Variants in RNGTT observed in about 807,000 individuals in gnomAD.
RNGTT encodes the protein RNA guanylyltransferase and 5'-phosphatase.
Under a neutral mutation model 79.3 loss-of-function variants are expected in RNGTT, and 33 were observed. The observed-to-expected ratio is 0.42, with a 90% CI of 0.32 to 0.56. The LOEUF is 0.56. Ranked by LOEUF, RNGTT falls within the 20% of genes least tolerant of loss-of-function variation. The pLI, the probability that RNGTT is intolerant of heterozygous loss-of-function variation, is 0.17. For synonymous variants in RNGTT, 222 were observed against 235.9 expected (o/e 0.94, Z 0.54); for missense variants, 497 against 739.1 (o/e 0.67, Z 3.80).
chr6:88,672,763 C>T (rs1774704568), intron 14 of RNGTT, among the ~76,000 whole-genome samples: 2 of 152,122 alleles, frequency 1.3e-5, no homozygotes, highest in Admixed American at 1.3e-4. Flanking sequence ...AAATCTGAAA[C>T]TAGCATGAAG....
At chr6:88,813,767 G>C (rs1425728903) in intron 11 of RNGTT, among the ~76,000 whole-genome samples, 2 of 152,132 alleles carry the variant, frequency 1.3e-5, no homozygotes, top group African/African-American at 2.4e-5. Flanking sequence ...CTCTACTCTA[G>C]TCTAGGTTAT....
chr6:88,949,718 A>T (rs1562078437), intron 1 of RNGTT, among the ~76,000 whole-genome samples: 2 of 152,258 alleles, frequency 1.3e-5, no homozygotes, highest in African/African-American at 4.8e-5. Flanking sequence ...AGGAAGCTGC[A>T]GAAGAAAAAT....
chr6:88,942,105 C>T (rs756129542), intron 1 of RNGTT, among the ~76,000 whole-genome samples: 1 of 151,338 alleles, frequency 6.6e-6, no homozygotes, highest in Non-Finnish European at 1.5e-5. Context: ...GATTATATGC[C>T]CTATATGGTT....
At chr6:88,883,170 C>CAAAAAAAAAAAAA in intron 8 of RNGTT, among the ~76,000 whole-genome samples, 1 of 68,870 alleles carries the variant, frequency 1.5e-5, no homozygotes, top group Non-Finnish European at 3.2e-5. Context: ...CTCTTTATGA[C>CAAAAAAAAAAAAA]AAAAAAAAAA....
intron 13 of RNGTT, among the ~76,000 whole-genome samples, chr6:88,708,519 A>G (rs1776216189): frequency 6.6e-6 from 1 of 151,526 alleles, no homozygotes; most frequent in Non-Finnish European, 1.5e-5. Flanking sequence ...GCCAGATCTC[A>G]GCTTTGACCA....
chr6:88,740,334 A>G (rs551678728), intron 13 of RNGTT, among the ~76,000 whole-genome samples: 1 of 152,160 alleles, frequency 6.6e-6, no homozygotes, highest in Admixed American at 6.6e-5. Flanking sequence ...CATGGACAAC[A>G]TAGTAAGACC....
chr6:88,853,734 T>C lies in RNGTT; in HGVS notation c.927A>G (p.Glu309=). ...RYMMLIDGTN[E]VFMIDRDNSV... ...AATTGTCTCTATCAATCATAAAAAC[T>C]TCATTTGTGCCATCAATCAACATCA... Residue 309 remains glutamate, a synonymous_variant, in exon 9 of 16, where the codon GAA becomes GAG. Transcript: ENST00000369485. 1 of 1,571,068 alleles carries C rather than the reference T, an allele frequency of 6.4e-7. No homozygotes were observed. Among genetic ancestry groups the C allele is most frequent in the Non-Finnish European group, 8.7e-7 (1 of 1,151,900 alleles).
chr6:88,776,292 G>A (rs1157380893), intron 12 of RNGTT, among the ~76,000 whole-genome samples: 1 of 149,852 alleles, frequency 6.7e-6, no homozygotes, highest in Non-Finnish European at 1.5e-5. Context: ...GACTGGTGAT[G>A]TTGAGCACCT....
intron 11 of RNGTT, among the ~76,000 whole-genome samples, chr6:88,830,678 AT>A (rs1780830724): frequency 6.6e-6 from 1 of 152,152 alleles, no homozygotes; most frequent in Non-Finnish European, 1.5e-5. Flanking sequence ...AACAAAATAG[AT>A]AGACCACTAG....
chr6:88,685,840 G>A (rs914446353), intron 13 of RNGTT, among the ~76,000 whole-genome samples: 2 of 151,608 alleles, frequency 1.3e-5, no homozygotes, highest in Non-Finnish European at 2.9e-5. Context: ...AATCCTAGAG[G>A]AAACACACTT....
Position 88,889,035 on chromosome 6 carries a change from T to A in RNGTT, c.896+1460A>T, listed in dbSNP as rs1023457866. Reference sequence around the variant, plus strand: ...AAGAGTGAAAACCCGTCTCAAAAAATAATAATAATAATAAAAACCACACCT... The same window carrying A: ...AAGAGTGAAAACCCGTCTCAAAAAAAAATAATAATAATAAAAACCACACCT... On this transcript the variant is annotated intron_variant, in intron 8 of 15. Transcript: ENST00000369485. 7.1e-4 allele frequency among the ~76,000 whole-genome samples: 107 copies of A among 151,770 alleles called. 1 individual carries two copies. Among genetic ancestry groups the A allele is most frequent in the Non-Finnish European group, 5.3e-4 (36 of 67,880 alleles).
At chr6:88,718,091 G>A (rs371449751) in intron 13 of RNGTT, among the ~76,000 whole-genome samples, 60 of 152,154 alleles carry the variant, frequency 3.9e-4, no homozygotes, top group African/African-American at 1.3e-3. Flanking sequence ...GTGCTAACTC[G>A]CCATTTAAGT....
At chr6:88,933,322 C>G (rs1018823126) in intron 2 of RNGTT, among the ~76,000 whole-genome samples, 8 of 152,156 alleles carry the variant, frequency 5.3e-5, no homozygotes, top group Non-Finnish European at 8.8e-5. Context: ...TTGCTAACAA[C>G]AGTCACCTTA....
At chr6:88,810,548 T>C (rs1780104377) in intron 11 of RNGTT, among the ~76,000 whole-genome samples, 1 of 151,868 alleles carries the variant, frequency 6.6e-6, no homozygotes, top group Admixed American at 6.6e-5. Context: ...AAAAAAGGAG[T>C]TAGCAAAAAG....
At chr6:88,655,177 C>T (rs1773930468) in intron 14 of RNGTT, among the ~76,000 whole-genome samples, 4 of 152,048 alleles carry the variant, frequency 2.6e-5, no homozygotes, top group Admixed American at 2.6e-4. Flanking sequence ...ATATTTCAGT[C>T]TTTTATAATA....
At chr6:88,833,119 G>C (rs1190030533) in intron 11 of RNGTT, among the ~76,000 whole-genome samples, 1 of 152,078 alleles carries the variant, frequency 6.6e-6, no homozygotes, top group Admixed American at 6.6e-5. Context: ...AAAGACACAT[G>C]CACATGTATG....
intron 11 of RNGTT, among the ~76,000 whole-genome samples, chr6:88,837,948 G>C (rs545068523): frequency 3.3e-5 from 5 of 152,028 alleles, no homozygotes; most frequent in African/African-American, 9.6e-5. Context: ...AATCAAACTA[G>C]ACAAAAGTTA....
At chr6:88,848,811 G>C (rs780533006) in intron 10 of RNGTT, among the ~76,000 whole-genome samples, 15 of 152,008 alleles carry the variant, frequency 9.9e-5, no homozygotes, top group Middle Eastern at 3.2e-3. Context: ...GATTCGTAAT[G>C]AATCATGTCT....
intron 1 of RNGTT, among the ~76,000 whole-genome samples, chr6:88,954,420 G>A (rs983737176): frequency 1.3e-5 from 2 of 152,018 alleles, no homozygotes; most frequent in Non-Finnish European, 2.9e-5. Context: ...AAAAGGATTC[G>A]TCCAACAGGA....
Sources: allele counts gnomAD v4.1 joint callset (sites outside exome capture counted in the v4.1 genomes callset), GRCh38; gene constraint gnomAD v4.1.1; transcripts MANE v1.5; gene names NCBI Gene and HGNC (gene_info 2026-07-23, HGNC 2026-07-21).